The following SLAIN2 variants were observed in gnomAD, a reference collection of about 807,000 sequenced individuals.
SLAIN2 encodes SLAIN family member 2.
Under a neutral mutation model 56.6 loss-of-function variants are expected in SLAIN2, and 31 were observed. The observed-to-expected ratio is 0.55, with a 90% CI of 0.41 to 0.74. SLAIN2 has a LOEUF of 0.74. Among genes scored for constraint, SLAIN2 ranks in the 30% least tolerant of loss-of-function variants. SLAIN2 has a pLI of 0.00. For synonymous variants in SLAIN2, 317 were observed against 284.9 expected (o/e 1.11, Z -1.13); for missense variants, 777 against 754.2 (o/e 1.03, Z -0.35).
At chr4:48,408,705 C>T (rs2109782632) in intron 6 of SLAIN2, among the ~76,000 whole-genome samples, 1 of 151,698 alleles carries the variant, frequency 6.6e-6, no homozygotes, top group South Asian at 2.1e-4. Context: ...AGCTTATAAA[C>T]TAAAATAGTT....
intron 5 of SLAIN2, among the ~76,000 whole-genome samples, 177 bp from the exon 6 acceptor site, chr4:48,383,470 C>T (rs1716022356): frequency 6.6e-6 from 1 of 151,960 alleles, no homozygotes; most frequent in Non-Finnish European, 1.5e-5. Context: ...ATTCTACCCA[C>T]TTAACAGATC....
intron 6 of SLAIN2, among the ~76,000 whole-genome samples, chr4:48,388,727 A>G (rs562207016): frequency 6.6e-6 from 1 of 152,198 alleles, no homozygotes; most frequent in South Asian, 2.1e-4. Context: ...CTAATTACAA[A>G]TGAGTGCATC....
rs1316462351 is a variant in SLAIN2, at chr4:48,423,788, G to T, written c.*1711G>T. On this transcript the variant is annotated 3_prime_UTR_variant, in exon 8 of 8. Transcript: ENST00000264313. ...AGAAACTTTATCCTTGAATTTGAGG[G>T]TGATGGGGTGGGTCAGGAAAGGATG... 1 of 152,112 alleles carries T rather than the reference G, an allele frequency of 6.6e-6. No homozygotes were observed. The highest frequency in any genetic ancestry group is 2.4e-5 in the African/African-American group (1 of 41,432). 9.4% of individuals were successfully genotyped at this position (152,112 alleles called of 1,614,324 possible). A position where few individuals can be genotyped will look rare whatever the true frequency, so the allele number is the denominator to read the frequency against.
chr4:48,366,989 A>C (rs1316546492), intron 1 of SLAIN2, among the ~76,000 whole-genome samples: 3 of 152,330 alleles, frequency 2.0e-5, no homozygotes, highest in African/African-American at 7.2e-5. Flanking sequence ...TTAGTGGGAA[A>C]AATATTTTGA....
chr4:48,363,883 G>T (rs1316638320), intron 1 of SLAIN2, among the ~76,000 whole-genome samples: 1 of 137,196 alleles, frequency 7.3e-6, no homozygotes, highest in East Asian at 2.3e-4. Context: ...GGGCAGAGGC[G>T]CCCCTCACCT....
rs1408584396 is a variant in SLAIN2, at chr4:48,358,342, G to C, written c.390-11507G>C. Among the ~76,000 whole-genome samples, 14 of 147,108 alleles carry C rather than the reference G, an allele frequency of 9.5e-5. No homozygotes were observed. The East Asian group carries it at 2.8e-3, about 29-fold the overall frequency. ...ACAAAGCTTTTTTTTTTTTTGAGAC[G>C]GAGTTTCACTCTTGTTGCCCATGCT... On this transcript the variant is annotated intron_variant, in intron 1 of 7. Transcript: ENST00000264313.
intron 1 of SLAIN2, among the ~76,000 whole-genome samples, chr4:48,364,974 T>C (rs1715471826): frequency 6.6e-6 from 1 of 152,134 alleles, no homozygotes; most frequent in Non-Finnish European, 1.5e-5. Context: ...CTTGAGTTTT[T>C]AGAGTTTTTT....
chr4:48,420,650 T>C (rs960474051), intron 7 of SLAIN2, among the ~76,000 whole-genome samples: 6 of 152,190 alleles, frequency 3.9e-5, no homozygotes, highest in Non-Finnish European at 7.3e-5. Context: ...TCAGATTAAA[T>C]TTGTCCAGTT....
intron 6 of SLAIN2, among the ~76,000 whole-genome samples, chr4:48,394,921 A>G (rs1391385012): frequency 6.6e-6 from 1 of 152,240 alleles, no homozygotes; most frequent in African/African-American, 2.4e-5. Context: ...AAAGGGCATC[A>G]TTTCAACTTT....
In SLAIN2 at chr4:48,423,848, T is replaced by C. The variant is rs1227159993; in HGVS notation, c.*1771T>C. On this transcript the variant is annotated 3_prime_UTR_variant, in exon 8 of 8. Transcript: ENST00000264313. Reference sequence around the variant, plus strand: ...TTCTACATGATAATGAACTAAAAAATGTTGCTTTTCAGAGGAAGATAAAGC... The same window carrying C: ...TTCTACATGATAATGAACTAAAAAACGTTGCTTTTCAGAGGAAGATAAAGC... 1 of 152,134 alleles carries C rather than the reference T, an allele frequency of 6.6e-6. No homozygotes were observed. The highest frequency in any genetic ancestry group is 1.5e-5 in the Non-Finnish European group (1 of 67,998). The allele number at this position is 152,134 out of a possible 1,614,324, so 9.4% of individuals were successfully genotyped here.
intron 3 of SLAIN2, among the ~76,000 whole-genome samples, 196 bp downstream of exon 3, chr4:48,378,256 CTAAATACA>C (rs1267276188): frequency 6.6e-6 from 1 of 152,110 alleles, no homozygotes; most frequent in Non-Finnish European, 1.5e-5. Context: ...AGCCAGTGTG[CTAAATACA>C]TAAAATTTTC....
intron 2 of SLAIN2, among the ~76,000 whole-genome samples, chr4:48,376,456 GAAAAA>G (rs143849551): frequency 1.6e-5 from 2 of 127,540 alleles, no homozygotes; most frequent in Non-Finnish European, 1.7e-5. Context: ...TTGTCTCAGA[GAAAAA>G]AAAAAAAAAA....
chr4:48,385,492 G>C lies in SLAIN2; in HGVS notation c.1360+1708G>C, dbSNP rs2109765103. Among the ~76,000 whole-genome samples, 2 of 152,168 alleles carry C rather than the reference G, an allele frequency of 1.3e-5. 1 individual carries two copies. The highest frequency in any genetic ancestry group is 6.8e-3 in the Middle Eastern group (2 of 294). On this transcript the variant is annotated intron_variant, in intron 6 of 7. Transcript: ENST00000264313. Reference sequence around the variant, plus strand: ...GCATATTACTATCAGTGGTTGAAGTGGTAGCTGTGTTATATTCTTTCATTT... The same window carrying C: ...GCATATTACTATCAGTGGTTGAAGTCGTAGCTGTGTTATATTCTTTCATTT...
chr4:48,393,386 T>TTTGTGTGTGTGTGTGTG (rs376243251), intron 6 of SLAIN2, among the ~76,000 whole-genome samples: 44 of 135,448 alleles, frequency 3.2e-4, no homozygotes, highest in African/African-American at 1.2e-3. Flanking sequence ...CATGTCTGGC[T>TTTGTGTGTGTGTGTGTG]TGTGTGTGTG....
rs1254464887 is a variant in SLAIN2 at position 48,425,101 on chromosome 4, A to AT, written c.*3026dup. ...AGTTGCCTACACTTGGTTTTAATAA[A>AT]TTACTCAGTTGAGTTTTTCTTTAAC... On this transcript the variant is annotated 3_prime_UTR_variant, in exon 8 of 8. Transcript: ENST00000264313. 6.6e-6 allele frequency: 1 copy of AT among 152,106 alleles called. No individual in the cohort carries two copies. Among genetic ancestry groups the AT allele is most frequent in the Non-Finnish European group, 1.5e-5 (1 of 67,970 alleles). 9.4% of individuals were successfully genotyped at this position (152,106 alleles called of 1,614,324 possible). A position where few individuals can be genotyped will look rare whatever the true frequency, so the allele number is the denominator to read the frequency against.
At chr4:48,377,183 A>T (rs1371557836) in intron 2 of SLAIN2, among the ~76,000 whole-genome samples, 4 of 150,632 alleles carry the variant, frequency 2.7e-5, no homozygotes, top group African/African-American at 7.3e-5. Context: ...TCTACAAAAA[A>T]ATATATATAT....
At chr4:48,382,446 G>A in intron 4 of SLAIN2, 122 bp from the exon 5 acceptor site, 2 of 955,544 alleles carry the variant, frequency 2.1e-6, no homozygotes, top group East Asian at 5.6e-5. Flanking sequence ...AGCAGAAAGG[G>A]AGTTTTCTTT....
At chr4:48,408,555 G>A (rs1716764884) in intron 6 of SLAIN2, among the ~76,000 whole-genome samples, 1 of 139,026 alleles carries the variant, frequency 7.2e-6, no homozygotes. Flanking sequence ...AAAAAATTCA[G>A]GTGAAATAAA....
intron 2 of SLAIN2, among the ~76,000 whole-genome samples, chr4:48,375,583 C>T (rs765991350): frequency 1.1e-4 from 16 of 151,986 alleles, no homozygotes; most frequent in Admixed American, 6.6e-5. Context: ...TTTCTCCTTA[C>T]ACTGATCAGA....
Sources: gnomAD v4.1 joint callset for allele counts (sites outside exome capture counted in the v4.1 genomes callset) on GRCh38, gnomAD v4.1.1 for gene constraint, MANE v1.5 for transcripts, NCBI Gene and HGNC (gene_info 2026-07-23, HGNC 2026-07-21) for gene names.